MYH10: variants seen among roughly 807,000 people sequenced by gnomAD.
MYH10 encodes the protein myosin-10.
In MYH10, 55 loss-of-function variants were observed where a neutral mutation model predicts 257.8. The observed-to-expected ratio is 0.21, with a 90% CI of 0.17 to 0.27. The LOEUF (loss-of-function observed/expected upper bound fraction) is 0.27. Ranked by LOEUF, MYH10 falls within the 10% of genes least tolerant of loss-of-function variation. MYH10 has a pLI of 1.00. For synonymous variants in MYH10, 854 were observed against 921.7 expected (o/e 0.93, Z 1.33); for missense variants, 1,631 against 2,500.6 (o/e 0.65, Z 7.42).
chr17:8,605,209 A>C (rs1597955309), intron 2 of MYH10, among the ~76,000 whole-genome samples: 1 of 152,188 alleles, frequency 6.6e-6, no homozygotes, highest in African/African-American at 2.4e-5. Flanking sequence ...TGCTGGACTC[A>C]ATTTCCTCAT....
Position 8,475,774 on chromosome 17 carries a change from C to T in MYH10, c.*30G>A. The T allele has an allele frequency of 6.2e-7, 1 of 1,608,394 alleles. No homozygotes were observed. The highest frequency in any genetic ancestry group is 8.5e-7 in the Non-Finnish European group (1 of 1,176,304). Reference sequence around the variant, plus strand: ...CCCGGGTGCATTCCTAACTGTCCCACTGTATTGCCTCCTCTGGCTTCCTGC... The same window carrying T: ...CCCGGGTGCATTCCTAACTGTCCCATTGTATTGCCTCCTCTGGCTTCCTGC... On this transcript the variant is annotated 3_prime_UTR_variant, in exon 43 of 43. Transcript: ENST00000360416.
chr17:8,513,470 GT>G, intron 23 of MYH10, 67 bp downstream of exon 23: 1 of 1,589,678 alleles, frequency 6.3e-7, no homozygotes, highest in Non-Finnish European at 8.5e-7. Flanking sequence ...ATGTGTCGGG[GT>G]TGCTACCAGT....
intron 7 of MYH10, among the ~76,000 whole-genome samples, chr17:8,567,137 A>G (rs964680622): frequency 6.6e-6 from 1 of 152,158 alleles, no homozygotes; most frequent in East Asian, 1.9e-4. Flanking sequence ...CACTAAACAC[A>G]GGGCATTTCA....
intron 2 of MYH10, among the ~76,000 whole-genome samples, chr17:8,610,270 G>GAAAAAAAAAAAAAAA (rs1567977649): frequency 2.5e-4 from 2 of 8,020 alleles, no homozygotes; most frequent in Non-Finnish European, 3.5e-4. Flanking sequence ...CCATAGGATT[G>GAAAAAAAAAAAAAAA]CAAAAAAAAA....
chr17:8,502,505 T>C (rs1567808238), intron 28 of MYH10, among the ~76,000 whole-genome samples: 2 of 149,820 alleles, frequency 1.3e-5, no homozygotes, highest in African/African-American at 4.9e-5. Flanking sequence ...TGTGTGTGTG[T>C]TCCTCATCCC....
chr17:8,613,341 G>A (rs1032577178), intron 2 of MYH10, among the ~76,000 whole-genome samples: 10 of 152,146 alleles, frequency 6.6e-5, no homozygotes, highest in African/African-American at 2.4e-4. Context: ...AAGAGTAATG[G>A]ATAAAACTAA....
intron 14 of MYH10, among the ~76,000 whole-genome samples, chr17:8,538,576 G>A (rs2082209077): frequency 6.6e-6 from 1 of 152,200 alleles, no homozygotes; most frequent in Admixed American, 6.5e-5. Flanking sequence ...GAGGTAAAGA[G>A]TGAGTCAGCA....
chr17:8,534,029 C>T (rs2082075139), intron 16 of MYH10, among the ~76,000 whole-genome samples: 1 of 152,190 alleles, frequency 6.6e-6, no homozygotes, highest in Non-Finnish European at 1.5e-5. Context: ...CCCGTAACAA[C>T]AACCTGAGCT....
intron 4 of MYH10, among the ~76,000 whole-genome samples, chr17:8,585,740 AT>A (rs1320829394): frequency 1.3e-5 from 2 of 152,126 alleles, no homozygotes; most frequent in African/African-American, 4.8e-5. Flanking sequence ...GGGTGATGGT[AT>A]TATTGTCTAC....
Position 8,500,984 on chromosome 17 carries a change from T to A in MYH10, c.3600-14A>T, listed in dbSNP as rs111284819. 1.6e-5 allele frequency: 26 copies of A among 1,609,068 alleles called. No homozygotes were observed. The African/African-American group carries it at 2.1e-4, about 13-fold the overall frequency. On this transcript the variant is annotated splice_polypyrimidine_tract_variant and intron_variant, in intron 28 of 42. Coordinates refer to ENST00000360416, the MANE Select transcript of MYH10 (RefSeq NM_001256012.3). ...TCACGTTTTGTACTAGAGAAGGACA[T>A]TTTTTAAGAGAGATCAGAATTAGCT...
At chr17:8,484,515 A>T (rs991279997) in intron 36 of MYH10, among the ~76,000 whole-genome samples, 3 of 152,238 alleles carry the variant, frequency 2.0e-5, no homozygotes, top group African/African-American at 7.2e-5. Context: ...TATGGGAATG[A>T]CAAGGATATC....
At chr17:8,520,153 C>A (rs1432717588) in intron 19 of MYH10, among the ~76,000 whole-genome samples, 1 of 152,180 alleles carries the variant, frequency 6.6e-6, no homozygotes, top group Non-Finnish European at 1.5e-5. Context: ...TACTTTTTTA[C>A]TTCTCTTGTA....
Position 8,487,089 on chromosome 17 carries a change from C to T in MYH10, c.5046+344G>A, listed in dbSNP as rs189526988. On this transcript the variant is annotated intron_variant, in intron 36 of 42. Coordinates refer to ENST00000360416, the MANE Select transcript of MYH10 (RefSeq NM_001256012.3). The stretch of plus-strand genomic sequence containing the variant: ...CACATCATCTGGGTAGAAAAAGTGA[C>T]GATTAAAACAGACCAAAAAGATCAC... Among the ~76,000 whole-genome samples the T allele has an allele frequency of 1.9e-3, 286 of 152,160 alleles. 3 individuals are homozygous for T. The highest frequency in any genetic ancestry group is 6.7e-3 in the African/African-American group (279 of 41,484).
In MYH10 at chr17:8,477,767, T is replaced by C. The variant is rs951542269; in HGVS notation, c.5706+571A>G. 4.6e-5 allele frequency among the ~76,000 whole-genome samples: 7 copies of C among 152,134 alleles called. No individual in the cohort carries two copies. The highest frequency in any genetic ancestry group is 1.7e-4 in the African/African-American group (7 of 41,430). ...TGGCCAGTGTCTGCAGTGTGAAGTC[T>C]CACCAGGCAGAGGGCAGGGAGCGGG... is the stretch of plus-strand genomic sequence containing the variant. On this transcript the variant is annotated intron_variant, in intron 41 of 42. Transcript: ENST00000360416. This position sits in a 1 kb window ranked among gnomAD's most constrained non-coding sequence, Gnocchi z 4.2.
chr17:8,541,454 A>G (rs1251741337), intron 14 of MYH10, among the ~76,000 whole-genome samples: 2 of 152,244 alleles, frequency 1.3e-5, no homozygotes, highest in Admixed American at 6.5e-5. Context: ...GATAAGGAGT[A>G]CAGAACCAGA....
chr17:8,503,993 C>A (rs533602299), intron 28 of MYH10, among the ~76,000 whole-genome samples: 4 of 152,296 alleles, frequency 2.6e-5, no homozygotes, highest in African/African-American at 9.6e-5. Flanking sequence ...GTGATGACAC[C>A]TATGAGTCCG....
chr17:8,589,821 T>C (rs150796872), intron 3 of MYH10, among the ~76,000 whole-genome samples: 89 of 152,346 alleles, frequency 5.8e-4, no homozygotes, highest in African/African-American at 2.0e-3. Flanking sequence ...ATCTAGCCCA[T>C]GGACAAAATT....
intron 3 of MYH10, among the ~76,000 whole-genome samples, 198 bp from the exon 4 acceptor site, chr17:8,589,306 A>T (rs2084032127): frequency 6.7e-5 from 1 of 14,904 alleles, no homozygotes; most frequent in Non-Finnish European, 1.4e-4. Context: ...ATTATGCCAG[A>T]GTCTCTGGGG....
intron 17 of MYH10, among the ~76,000 whole-genome samples, chr17:8,527,608 T>C (rs1193865044): frequency 6.6e-6 from 1 of 152,238 alleles, no homozygotes; most frequent in Non-Finnish European, 1.5e-5. Context: ...ATCGGGTTTC[T>C]CTGTTGTTCT....
Sources: gnomAD v4.1 joint callset for allele counts (sites outside exome capture counted in the v4.1 genomes callset) on GRCh38, gnomAD v4.1.1 for gene constraint, Gnocchi (gnomAD v3.1) non-coding constraint, MANE v1.5 for transcripts, NCBI Gene and HGNC (gene_info 2026-07-23, HGNC 2026-07-21) for gene names.